APBA2: variants seen among roughly 807,000 people sequenced by gnomAD.
APBA2 encodes the protein amyloid-beta A4 precursor protein-binding family A member 2.
APBA2 carries 30 observed loss-of-function variants against 75.0 expected under a neutral mutation model. The ratio of observed to expected loss-of-function variants is 0.40; its 90% CI spans 0.30 to 0.54. The LOEUF (loss-of-function observed/expected upper bound fraction) is 0.54, where lower values mean the gene tolerates loss of function less well. APBA2 is among the 20% of genes least tolerant of loss of function. The probability of loss-of-function intolerance (pLI) is 0.49; values close to 1 mark genes in which losing one functional copy is unlikely to be tolerated. For missense variants in APBA2, 801 were observed against 1,016.1 expected, an observed-to-expected ratio of 0.79 and a Z score of 2.88; for synonymous variants, 444 against 409.6, an observed-to-expected ratio of 1.08 and a Z score of -1.01.
intron 3 of APBA2, among the ~76,000 whole-genome samples, chr15:29,003,213 A>G (rs1324715964): frequency 1.3e-5 from 2 of 152,142 alleles, no homozygotes; most frequent in Admixed American, 6.5e-5. Flanking sequence ...AGGCCCGTGC[A>G]CCAGAGGCTC....
chr15:28,937,289 A>G (rs913166385), intron 2 of APBA2, among the ~76,000 whole-genome samples: 7 of 152,092 alleles, frequency 4.6e-5, no homozygotes, highest in African/African-American at 1.7e-4. Flanking sequence ...CTTTGCTCAG[A>G]TGGTGCTGGG....
intron 4 of APBA2, among the ~76,000 whole-genome samples, chr15:29,058,104 C>T (rs1238378229): frequency 6.6e-6 from 1 of 152,200 alleles, no homozygotes; most frequent in Non-Finnish European, 1.5e-5. Flanking sequence ...AATGACTCAT[C>T]TGTGACCCCT....
intron 9 of APBA2, among the ~76,000 whole-genome samples, chr15:29,101,375 A>G (rs1271040003): frequency 6.6e-6 from 1 of 152,068 alleles, no homozygotes; most frequent in Non-Finnish European, 1.5e-5. Context: ...GATTACAGGC[A>G]CCTGCCACCA....
At chr15:29,065,081 G>A (rs981003592) in intron 4 of APBA2, among the ~76,000 whole-genome samples, 1 of 152,046 alleles carries the variant, frequency 6.6e-6, no homozygotes, top group Non-Finnish European at 1.5e-5. Flanking sequence ...CTGCCGGTGG[G>A]GTGTCTAGGG....
intron 2 of APBA2, among the ~76,000 whole-genome samples, chr15:28,977,870 G>A (rs1274073037): frequency 2.0e-5 from 3 of 152,104 alleles, no homozygotes; most frequent in African/African-American, 7.2e-5. Flanking sequence ...CGGGTGTGGA[G>A]CAGTTGGACC....
intron 2 of APBA2, among the ~76,000 whole-genome samples, chr15:28,958,762 A>C (rs956856889): frequency 6.6e-6 from 1 of 151,610 alleles, no homozygotes; most frequent in African/African-American, 2.4e-5. Flanking sequence ...GACTCTGTGG[A>C]CCTCATTATA....
intron 6 of APBA2, among the ~76,000 whole-genome samples, chr15:29,077,975 G>A (rs7172171): frequency 0.11 from 16,994 of 152,162 alleles, 2,306 homozygotes; most frequent in African/African-American, 0.33. Flanking sequence ...CCCACCTAAC[G>A]TTACACAAAT....
intron 2 of APBA2, among the ~76,000 whole-genome samples, chr15:28,936,373 A>G (rs2034872968): frequency 6.6e-6 from 1 of 152,218 alleles, no homozygotes; most frequent in South Asian, 2.1e-4. Flanking sequence ...CATGGGCAGG[A>G]AAAGCATTTG....
chr15:28,972,803 G>A (rs1169385293), intron 2 of APBA2, among the ~76,000 whole-genome samples: 1 of 152,166 alleles, frequency 6.6e-6, no homozygotes, highest in African/African-American at 2.4e-5. Context: ...AAAACTGACT[G>A]AAAGTCCGTC....
chr15:28,982,044 G>C (rs1009995936), intron 2 of APBA2, among the ~76,000 whole-genome samples: 2 of 152,152 alleles, frequency 1.3e-5, no homozygotes, highest in African/African-American at 4.8e-5. Flanking sequence ...ACTAACTGTT[G>C]GGTACTGTGC....
chr15:28,921,513 C>G (rs2033968746), intron 1 of APBA2, 127 bp from the exon 2 acceptor site: 1 of 152,204 alleles, frequency 6.6e-6, no homozygotes, highest in African/African-American at 2.4e-5. Context: ...GGGGAGGGAG[C>G]TGTTAGCCTC....
At chr15:29,065,374 T>G (rs1363037247) in intron 4 of APBA2, among the ~76,000 whole-genome samples, 1 of 152,206 alleles carries the variant, frequency 6.6e-6, no homozygotes, top group Middle Eastern at 3.2e-3. Context: ...ATGGTGTGCT[T>G]GCCCAAGATG....
chr15:28,964,909 A>G (rs1056144968), intron 2 of APBA2, among the ~76,000 whole-genome samples: 7 of 152,080 alleles, frequency 4.6e-5, no homozygotes, highest in African/African-American at 1.4e-4. Context: ...CTCCCAGAGT[A>G]TAATTTTTTT....
At chr15:29,018,880 A>C (rs2039809383) in intron 3 of APBA2, among the ~76,000 whole-genome samples, 1 of 152,186 alleles carries the variant, frequency 6.6e-6, no homozygotes, top group Non-Finnish European at 1.5e-5. Context: ...TGCACCTGCC[A>C]CACCTTCTCT....
At chr15:29,114,545 G>A (rs934271309) in intron 14 of APBA2, among the ~76,000 whole-genome samples, 2 of 152,112 alleles carry the variant, frequency 1.3e-5, no homozygotes, top group Non-Finnish European at 2.9e-5. Context: ...CACATACACC[G>A]GGGGAGGCCT....
At chr15:28,950,792 T>G (rs1025216704) in intron 2 of APBA2, among the ~76,000 whole-genome samples, 5 of 152,198 alleles carry the variant, frequency 3.3e-5, no homozygotes, top group Admixed American at 6.5e-5. Context: ...TATTTCTGTA[T>G]GGGGGACTTA....
intron 10 of APBA2, chr15:29,102,151 GA>G: frequency 2.6e-6 from 1 of 383,164 alleles, no homozygotes; most frequent in South Asian, 2.3e-5. Flanking sequence ...GCTGTATAAA[GA>G]AAGCACATCT....
chr15:28,908,354 A>AG (rs1375319121), intron 1 of APBA2, among the ~76,000 whole-genome samples: 4 of 146,962 alleles, frequency 2.7e-5, no homozygotes, highest in African/African-American at 1.1e-4. Flanking sequence ...TCTGTCGCCC[A>AG]GGCTGGAGTA....
At chr15:28,949,800 G>A (rs1239506766) in intron 2 of APBA2, among the ~76,000 whole-genome samples, 1 of 152,140 alleles carries the variant, frequency 6.6e-6, no homozygotes, top group African/African-American at 2.4e-5. Context: ...TTTAATTCTA[G>A]AACAGCTTTA....
Sources: gnomAD v4.1 joint callset for allele counts (sites outside exome capture counted in the v4.1 genomes callset) on GRCh38, gnomAD v4.1.1 for gene constraint, MANE v1.5 for transcripts, NCBI Gene and HGNC (gene_info 2026-07-23, HGNC 2026-07-21) for gene names.